Variants in OSTC observed in about 807,000 individuals in gnomAD.
The protein encoded by OSTC is oligosaccharyltransferase complex non-catalytic subunit, also known as oligosaccharyltransferase complex subunit OSTC.
Under a neutral mutation model 16.4 loss-of-function variants are expected in OSTC, and 16 were observed. That is an observed-to-expected ratio of 0.98 (90% confidence interval 0.66 to 1.49). The LOEUF is 1.49. Among genes scored for constraint, OSTC ranks in the 40% most tolerant of loss-of-function variants. OSTC has a pLI of 0.00. For synonymous variants in OSTC, 67 were observed against 68.5 expected (o/e 0.98, Z 0.11); for missense variants, 139 against 186.3 (o/e 0.75, Z 1.48).
chr4:108,658,340 T>A (rs1382452250), intron 3 of OSTC, among the ~76,000 whole-genome samples: 1 of 152,106 alleles, frequency 6.6e-6, no homozygotes, highest in South Asian at 2.1e-4. Context: ...TCTTTGAATA[T>A]TGGTAGGAAG....
intron 3 of OSTC, among the ~76,000 whole-genome samples, chr4:108,660,500 T>C (rs946536479): frequency 2.0e-5 from 3 of 152,112 alleles, no homozygotes; most frequent in Non-Finnish European, 4.4e-5. Context: ...CACAACAGGG[T>C]TGTAGTTACT....
At chr4:108,659,504 C>T (rs1456857008) in intron 3 of OSTC, among the ~76,000 whole-genome samples, 1 of 152,118 alleles carries the variant, frequency 6.6e-6, no homozygotes, top group African/African-American at 2.4e-5. Context: ...CTGAAAGGCT[C>T]ATGCCTGTAA....
At chr4:108,664,106 A>C (rs2851375) in intron 3 of OSTC, among the ~76,000 whole-genome samples, 123,743 of 151,846 alleles carry the variant, frequency 0.81, 50,654 homozygotes, top group East Asian at 1. Flanking sequence ...TCTTTTTTCT[A>C]ACATGGTATC....
Position 108,651,012 on chromosome 4 carries a change from G to T in OSTC, c.139+218G>T, listed in dbSNP as rs916800074. On this transcript the variant is annotated intron_variant, in intron 1 of 3. Transcript: ENST00000361564. ...GAGAATTCGTGTTCTCACTCCCATT[G>T]CCTTTCTTCTCCTTCTAGCCCTCCC... The T allele has an allele frequency of 2.8e-5, 16 of 580,956 alleles. No individual in the cohort carries two copies. The African/African-American group carries it at 2.8e-4, about 10-fold the overall frequency. 36.0% of individuals were successfully genotyped at this position (580,956 alleles called of 1,614,324 possible). A position where few individuals can be genotyped will look rare whatever the true frequency, so the allele number is the denominator to read the frequency against.
At chr4:108,650,958 A>G in intron 1 of OSTC, 164 bp downstream of exon 1, 13 of 965,382 alleles carry the variant, frequency 1.3e-5, no homozygotes, top group African/African-American at 5.0e-5. Context: ...TTAACGTCCA[A>G]GTTTATTCGC....
chr4:108,656,473 A>C (rs1726704230), intron 2 of OSTC, among the ~76,000 whole-genome samples: 1 of 151,980 alleles, frequency 6.6e-6, no homozygotes, highest in African/African-American at 2.4e-5. Context: ...AAAAAAAAAA[A>C]ATACCCTGTT....
intron 3 of OSTC, among the ~76,000 whole-genome samples, chr4:108,664,172 A>C (rs528967847): frequency 1.3e-4 from 20 of 152,324 alleles, no homozygotes; most frequent in Non-Finnish European, 2.5e-4. Context: ...AGGTAAAACT[A>C]TTTTAAGTTT....
rs57779434 is a variant in OSTC, at chr4:108,656,459, CAA to C, written c.233+816_233+817del. Among the ~76,000 whole-genome samples the C allele has an allele frequency of 2.9e-3, 355 of 121,762 alleles. 1 individual carries two copies. Among genetic ancestry groups the C allele is most frequent in the African/African-American group, 8.4e-3 (306 of 36,552 alleles). The allele number at this position is 121,762 out of a possible 152,430, so 79.9% of individuals were successfully genotyped here. A position where few individuals can be genotyped will look rare whatever the true frequency, so the allele number is the denominator to read the frequency against. On this transcript the variant is annotated intron_variant, in intron 2 of 3. Coordinates refer to ENST00000361564, the MANE Select transcript of OSTC (RefSeq NM_021227.4). ...TGTGTTTTCAATGAAAACAATTGAC[CAA>C]AAAAAAAAAAAAATACCCTGTTTAC...
intron 1 of OSTC, chr4:108,652,309 TAATG>T (rs1343790456): frequency 1.6e-4 from 24 of 152,298 alleles, no homozygotes; most frequent in South Asian, 8.3e-4. Context: ...TCAATAATAA[TAATG>T]AATAATGCTA....
At chr4:108,656,288 G>T (rs1466402346) in intron 2 of OSTC, among the ~76,000 whole-genome samples, 1 of 151,890 alleles carries the variant, frequency 6.6e-6, no homozygotes. Flanking sequence ...GTTTATATTT[G>T]CAGTAATGCT....
At chr4:108,666,749 T>C (rs1285480501) in intron 3 of OSTC, among the ~76,000 whole-genome samples, 1 of 148,232 alleles carries the variant, frequency 6.7e-6, no homozygotes, top group Admixed American at 6.8e-5. Flanking sequence ...TTCACGCGTG[T>C]AATCCCAGCA....
Position 108,657,459 on chromosome 4 carries a change from A to G in OSTC, c.243A>G (p.Gly81=). Residue 81 remains glycine (G), a synonymous_variant, in exon 3 of 4, where the codon GGA becomes GGG. Coordinates refer to ENST00000361564, the MANE Select transcript of OSTC (RefSeq NM_021227.4). ...PVAFLAYRVN[G]QYIMEGLASS... is the part of the protein sequence containing the mutation. The stretch of plus-strand genomic sequence containing the variant: ...TTCTTTTCTTTTCCAGAGTAAATGG[A>G]CAATATATTATGGAAGGACTTGCAT... The G allele has an allele frequency of 6.2e-7, 1 of 1,610,090 alleles. No homozygotes were observed. The highest frequency in any genetic ancestry group is 8.5e-7 in the Non-Finnish European group (1 of 1,176,602).
intron 3 of OSTC, among the ~76,000 whole-genome samples, chr4:108,657,991 G>T (rs957040919): frequency 6.3e-5 from 8 of 127,440 alleles, no homozygotes; most frequent in African/African-American, 2.4e-4. Flanking sequence ...AAATGCAATG[G>T]CACAATCTTG....
chr4:108,660,892 G>A (rs1267983554), intron 3 of OSTC, among the ~76,000 whole-genome samples: 1 of 152,116 alleles, frequency 6.6e-6, no homozygotes, highest in Non-Finnish European at 1.5e-5. Flanking sequence ...TGTTTTATTT[G>A]ATGTCTTGAG....
intron 1 of OSTC, among the ~76,000 whole-genome samples, chr4:108,651,684 A>G (rs1162365806): frequency 6.6e-6 from 1 of 152,164 alleles, no homozygotes; most frequent in Non-Finnish European, 1.5e-5. Flanking sequence ...TGGAAATTAT[A>G]AAATTAATTT....
intron 3 of OSTC, among the ~76,000 whole-genome samples, chr4:108,666,047 G>A (rs1341747143): frequency 6.6e-6 from 1 of 152,116 alleles, no homozygotes; most frequent in Non-Finnish European, 1.5e-5. Context: ...TTAATAAAAG[G>A]ATCTCCTGTT....
intron 3 of OSTC, among the ~76,000 whole-genome samples, chr4:108,664,080 G>A: frequency 6.6e-6 from 1 of 150,494 alleles, no homozygotes. Flanking sequence ...GTATAGTAAT[G>A]TATTTGTTCT....
chr4:108,658,268 T>G (rs1467701399), intron 3 of OSTC, among the ~76,000 whole-genome samples: 1 of 152,072 alleles, frequency 6.6e-6, no homozygotes, highest in Admixed American at 6.6e-5. Flanking sequence ...GGCTAATCTG[T>G]AACACAGAAT....
chr4:108,653,103 C>A (rs1726599414), intron 1 of OSTC, among the ~76,000 whole-genome samples: 1 of 152,094 alleles, frequency 6.6e-6, no homozygotes, highest in Non-Finnish European at 1.5e-5. Context: ...TCCCAAGTAG[C>A]TGGGACTATG....
Sources: gnomAD v4.1 joint callset for allele counts (sites outside exome capture counted in the v4.1 genomes callset) on GRCh38, gnomAD v4.1.1 for gene constraint, MANE v1.5 for transcripts, NCBI Gene and HGNC (gene_info 2026-07-23, HGNC 2026-07-21) for gene names.